The following NFIB variants were observed in gnomAD, a reference collection of about 807,000 sequenced individuals.
NFIB encodes the protein nuclear factor I B, also known as nuclear factor 1 B-type.
In NFIB, 11 loss-of-function variants were observed where a neutral mutation model predicts 61.5. The ratio of observed to expected loss-of-function variants is 0.18; its 90% confidence interval spans 0.11 to 0.30. The LOEUF (loss-of-function observed/expected upper bound fraction) is 0.30, where lower values mean the gene tolerates loss of function less well. NFIB is among the 10% of genes least tolerant of loss of function. NFIB has a pLI of 1.00. For missense variants in NFIB, 471 were observed against 608.9 expected (o/e 0.77, Z 2.38); for synonymous variants, 260 against 216.5 (o/e 1.20, Z -1.76).
chr9:14,248,659 G>A (rs143647216), intron 2 of NFIB, among the ~76,000 whole-genome samples: 13 of 152,222 alleles, frequency 8.5e-5, no homozygotes, highest in African/African-American at 2.2e-4. Flanking sequence ...TGGGTGTCTC[G>A]TGATCCTCCT....
chr9:14,162,749 A>G (rs1369897200), intron 3 of NFIB, among the ~76,000 whole-genome samples: 4 of 152,084 alleles, frequency 2.6e-5, no homozygotes, highest in African/African-American at 9.7e-5. Context: ...TGAATCGTGA[A>G]TACTATTCTA....
chr9:14,171,207 T>C (rs1400653504), intron 3 of NFIB, among the ~76,000 whole-genome samples: 1 of 152,244 alleles, frequency 6.6e-6, no homozygotes, highest in East Asian at 1.9e-4. Flanking sequence ...CTATATTCTA[T>C]GTCACGGCTT....
intron 3 of NFIB, among the ~76,000 whole-genome samples, chr9:14,164,317 G>A (rs924360714): frequency 1.1e-4 from 16 of 151,954 alleles, no homozygotes; most frequent in African/African-American, 3.9e-4. Context: ...ATCACAGAGT[G>A]TACTTACACA....
intron 1 of NFIB, among the ~76,000 whole-genome samples, chr9:14,371,555 T>C (rs1420382812): frequency 1.3e-5 from 2 of 152,178 alleles, no homozygotes; most frequent in African/African-American, 2.4e-5. Context: ...AGGTTGCAAA[T>C]TGGGAACACC....
chr9:14,125,908 C>T lies in NFIB; in HGVS notation c.926-142G>A, dbSNP rs16931382. 3,173 of 1,118,052 alleles carry T rather than the reference C, an allele frequency of 2.8e-3. 80 individuals are homozygous for T. In the African/African-American group the frequency reaches 0.045, roughly 16 times the overall value. 69.3% of individuals were successfully genotyped at this position (1,118,052 alleles called of 1,614,324 possible). A position where few individuals can be genotyped will look rare whatever the true frequency, so the allele number is the denominator to read the frequency against. ...TTACAAAATATATTCTGAGTGTCAACGATCCAGCTGTCTTGGAGCTCTGAA... is the reference window on the plus strand; with the variant it reads ...TTACAAAATATATTCTGAGTGTCAATGATCCAGCTGTCTTGGAGCTCTGAA... On this transcript the variant is annotated intron_variant, in intron 6 of 10. Coordinates refer to ENST00000380953, the MANE Select transcript of NFIB (RefSeq NM_001190737.2).
intron 2 of NFIB, among the ~76,000 whole-genome samples, chr9:14,242,035 C>G (rs1226363063): frequency 1.3e-5 from 2 of 152,052 alleles, no homozygotes; most frequent in Non-Finnish European, 2.9e-5. Context: ...AAAAAAAATT[C>G]CAGAAGTTAA....
chr9:14,200,532 A>T (rs1432453658), intron 2 of NFIB, among the ~76,000 whole-genome samples: 1 of 152,156 alleles, frequency 6.6e-6, no homozygotes, highest in African/African-American at 2.4e-5. Context: ...TATTTTTTTT[A>T]AAACACGACT....
Position 14,327,182 on chromosome 9 carries a change from G to A in NFIB, c.109-19662C>T, listed in dbSNP as rs570378721. 6.6e-5 allele frequency among the ~76,000 whole-genome samples: 10 copies of A among 152,228 alleles called. No homozygotes were observed. The South Asian group carries it at 1.2e-3, about 19-fold the overall frequency. ...GTGAGGCAACAGGATGCACGAAAGC[G>A]CTAGACAGTCTACTGATCCTTCAGT... is the stretch of plus-strand genomic sequence containing the variant. On this transcript the variant is annotated intron_variant, in intron 1 of 8. Transcript: ENST00000380934.
At chr9:14,229,007 C>T (rs773577770) in intron 2 of NFIB, among the ~76,000 whole-genome samples, 5 of 148,658 alleles carry the variant, frequency 3.4e-5, no homozygotes, top group Non-Finnish European at 5.9e-5. Flanking sequence ...CTTGTAAAAA[C>T]GCTTTGGGCA....
intron 2 of NFIB, among the ~76,000 whole-genome samples, chr9:14,181,903 T>C (rs748270249): frequency 1.3e-5 from 2 of 152,130 alleles, no homozygotes; most frequent in Non-Finnish European, 2.9e-5. Context: ...ATTTCAGGAG[T>C]TGTAGACTCT....
intron 6 of NFIB, among the ~76,000 whole-genome samples, chr9:14,140,040 A>G (rs2041507017): frequency 6.6e-6 from 1 of 152,206 alleles, no homozygotes; most frequent in African/African-American, 2.4e-5. Context: ...TCTCTTCTTC[A>G]CATTCATCCA....
upstream of NFIB, among the ~76,000 whole-genome samples, chr9:14,317,954 A>C (rs890493351): frequency 3.3e-5 from 5 of 152,204 alleles, no homozygotes; most frequent in African/African-American, 1.2e-4. Context: ...ATCTCTGAAA[A>C]GCTTCTGATA....
the NFIB span, among the ~76,000 whole-genome samples, chr9:14,475,201 A>C: frequency 6.6e-6 from 1 of 152,234 alleles, no homozygotes. Flanking sequence ...TAATTTTAAA[A>C]ATGAATCTGA....
intron 1 of NFIB, among the ~76,000 whole-genome samples, chr9:14,397,019 C>T (rs1017461661): frequency 6.6e-5 from 10 of 152,148 alleles, no homozygotes; most frequent in Non-Finnish European, 1.0e-4. Flanking sequence ...GAGATCCTAA[C>T]GAAGCTCTTC....
intron 6 of NFIB, among the ~76,000 whole-genome samples, chr9:14,142,597 C>G (rs569087713): frequency 6.6e-6 from 1 of 151,140 alleles, no homozygotes; most frequent in Non-Finnish European, 1.5e-5. Flanking sequence ...AGAAAAATTT[C>G]AAAAAAAGTA....
chr9:14,331,050 G>A (rs527955947), intron 1 of NFIB, among the ~76,000 whole-genome samples: 155 of 152,194 alleles, frequency 1.0e-3, no homozygotes, highest in Non-Finnish European at 1.5e-3. Context: ...TTAGGCCAAT[G>A]GCAGCACTTT....
the NFIB span, among the ~76,000 whole-genome samples, chr9:14,434,150 T>C: frequency 1.3e-5 from 2 of 152,242 alleles, no homozygotes; most frequent in Admixed American, 1.3e-4. Context: ...CCGTAATTTC[T>C]AATTATTTAG....
the NFIB span, among the ~76,000 whole-genome samples, chr9:14,452,091 T>C: frequency 1.1e-4 from 16 of 152,300 alleles, no homozygotes; most frequent in Non-Finnish European, 1.9e-4. Context: ...TGACTTTTTC[T>C]CCAGCAGCAA....
chr9:14,276,759 G>A (rs747679977), intron 2 of NFIB, among the ~76,000 whole-genome samples: 1 of 152,040 alleles, frequency 6.6e-6, no homozygotes, highest in Non-Finnish European at 1.5e-5. Context: ...CTGATCACAC[G>A]AAAGGTTTCT....
Sources: allele counts gnomAD v4.1 joint callset (sites outside exome capture counted in the v4.1 genomes callset), GRCh38; gene constraint gnomAD v4.1.1; transcripts MANE v1.5; gene names NCBI Gene and HGNC (gene_info 2026-07-23, HGNC 2026-07-21).